Variants in DISC1 observed in about 807,000 individuals in gnomAD.
DISC1 encodes disrupted in schizophrenia 1 protein.
In DISC1, 57 loss-of-function variants were observed where a neutral mutation model predicts 84.5. That is an observed-to-expected ratio of 0.67 (90% CI 0.55 to 0.84). The LOEUF (loss-of-function observed/expected upper bound fraction) is 0.84, where lower values mean the gene tolerates loss of function less well. DISC1 is among the 40% of genes least tolerant of loss of function. The pLI is 0.00. For synonymous variants in DISC1, 411 were observed against 415.2 expected (o/e 0.99, Z 0.12); for missense variants, 1,000 against 1,057.8 (o/e 0.95, Z 0.76).
At chr1:231,999,923 A>G (rs995813620) in intron 10 of DISC1, among the ~76,000 whole-genome samples, 1 of 152,220 alleles carries the variant, frequency 6.6e-6, no homozygotes, top group African/African-American at 2.4e-5. Flanking sequence ...CAAAAATAAA[A>G]ATTCCATTGG....
chr1:231,966,619 T>G (rs1296429167), intron 10 of DISC1, among the ~76,000 whole-genome samples: 1 of 152,242 alleles, frequency 6.6e-6, no homozygotes, highest in Non-Finnish European at 1.5e-5. Context: ...TGATGGAATC[T>G]CTTGTATGCA....
chr1:231,762,497 A>C (rs2075824652), intron 4 of DISC1, among the ~76,000 whole-genome samples: 1 of 130,542 alleles, frequency 7.7e-6, no homozygotes, highest in African/African-American at 2.9e-5. Context: ...ACTGTGCCTA[A>C]TTTTTAGTTT....
chr1:231,691,917 A>G (rs977917156), intron 1 of DISC1, among the ~76,000 whole-genome samples: 1 of 152,122 alleles, frequency 6.6e-6, no homozygotes, highest in Admixed American at 6.5e-5. Flanking sequence ...TGTACATCTC[A>G]TCACATCCTT....
At chr1:231,743,213 T>C (rs986115481) in intron 3 of DISC1, among the ~76,000 whole-genome samples, 6 of 152,236 alleles carry the variant, frequency 3.9e-5, no homozygotes, top group African/African-American at 1.4e-4. Context: ...ATATTACTAA[T>C]AATAGACAAT....
chr1:231,730,317 G>A (rs1405321113), intron 3 of DISC1, among the ~76,000 whole-genome samples: 1 of 152,202 alleles, frequency 6.6e-6, no homozygotes, highest in East Asian at 1.9e-4. Context: ...CTGTAGACAT[G>A]GAGAAGGATA....
intron 6 of DISC1, among the ~76,000 whole-genome samples, chr1:231,778,020 A>G (rs1294625657): frequency 1.3e-5 from 2 of 152,174 alleles, no homozygotes; most frequent in African/African-American, 2.4e-5. Context: ...AGCAATGGAA[A>G]GAAGTCCAGC....
intron 7 of DISC1, among the ~76,000 whole-genome samples, chr1:231,795,616 C>T (rs979583033): frequency 2.0e-5 from 3 of 152,176 alleles, no homozygotes; most frequent in South Asian, 2.1e-4. Flanking sequence ...GGGCTTGGTG[C>T]GGTGGCTCAC....
chr1:231,669,382 ATTAAAC>A (rs1292039487), intron 1 of DISC1, among the ~76,000 whole-genome samples: 3 of 152,252 alleles, frequency 2.0e-5, no homozygotes, highest in Non-Finnish European at 4.4e-5. Context: ...ATTGGATCTA[ATTAAAC>A]TTAAGAGCTT....
intron 8 of DISC1, among the ~76,000 whole-genome samples, chr1:231,801,425 C>A (rs200183459): frequency 1.3e-5 from 2 of 152,228 alleles, no homozygotes; most frequent in Non-Finnish European, 1.5e-5. Context: ...CAGAGATAGC[C>A]TCACTCCAAT....
intron 6 of DISC1, among the ~76,000 whole-genome samples, chr1:231,791,033 C>T (rs999951342): frequency 6.6e-6 from 1 of 152,158 alleles, no homozygotes; most frequent in African/African-American, 2.4e-5. Context: ...CCACAGCCAC[C>T]CCCCAGGCTC....
chr1:232,022,030 C>G (rs2103031067), intron 11 of DISC1, among the ~76,000 whole-genome samples: 1 of 152,262 alleles, frequency 6.6e-6, no homozygotes, highest in South Asian at 2.1e-4. Flanking sequence ...GACATGTCAC[C>G]TTTTATGACC....
intron 9 of DISC1, among the ~76,000 whole-genome samples, chr1:231,831,872 A>T (rs994864094): frequency 1.2e-4 from 19 of 152,126 alleles, no homozygotes; most frequent in Admixed American, 1.1e-3. Flanking sequence ...GCAGAGTGGT[A>T]GCCTTGATGA....
At chr1:232,025,698 G>C (rs527481656) in intron 11 of DISC1, among the ~76,000 whole-genome samples, 1 of 150,634 alleles carries the variant, frequency 6.6e-6, no homozygotes. Context: ...CTGGGTTCAC[G>C]CCATTCTCCT....
chr1:231,847,541 G>T (rs753640059), intron 9 of DISC1, among the ~76,000 whole-genome samples: 4 of 152,084 alleles, frequency 2.6e-5, no homozygotes, highest in Non-Finnish European at 4.4e-5. Flanking sequence ...GCCTCATGTG[G>T]CTGGACCCTC....
intron 9 of DISC1, among the ~76,000 whole-genome samples, chr1:231,874,872 C>T (rs996068404): frequency 6.8e-6 from 1 of 147,266 alleles, no homozygotes; most frequent in African/African-American, 2.5e-5. Context: ...GATCGCGCCA[C>T]TACACTCCAG....
rs1256207558 is a variant in DISC1, at chr1:232,031,743, A to G, written c.2426-4949A>G. Among the ~76,000 whole-genome samples, 1 of 152,170 alleles carries G rather than the reference A, an allele frequency of 6.6e-6. No homozygotes were observed. Among genetic ancestry groups the G allele is most frequent in the Non-Finnish European group, 1.5e-5 (1 of 68,030 alleles). On this transcript the variant is annotated intron_variant, in intron 12 of 12. Coordinates refer to ENST00000439617, the MANE Select transcript of DISC1 (RefSeq NM_018662.3). The surrounding 1 kb of genome is among the most constrained non-coding windows in gnomAD (Gnocchi z 4.6). ...TGGCTGAGCACGAGGTGGGCTTGGC[A>G]CAAGGTAGGCAACACAGAGTTTCTG...
chr1:231,782,274 T>C (rs938377510), intron 6 of DISC1, among the ~76,000 whole-genome samples: 3 of 152,256 alleles, frequency 2.0e-5, no homozygotes, highest in African/African-American at 4.8e-5. Flanking sequence ...ATTCATTTTG[T>C]TCACCAGTGG....
At chr1:231,865,900 C>T (rs182626263) in intron 9 of DISC1, among the ~76,000 whole-genome samples, 1 of 152,288 alleles carries the variant, frequency 6.6e-6, no homozygotes, top group African/African-American at 2.4e-5. Context: ...AACAGATTTA[C>T]AAGCATTAGA....
In DISC1 at chr1:231,630,409, C is replaced by T. The variant is rs1023838405; in HGVS notation, c.67+3475C>T. ...CTTGAGCCTCAAGCAACTTCTGCCT[C>T]GACCTCCCAAAGTACCAGGATTACA... On this transcript the variant is annotated intron_variant, in intron 1 of 12. Transcript: ENST00000439617. The surrounding 1 kb of genome is among the most constrained non-coding windows in gnomAD (Gnocchi z 4.4). 2.0e-5 allele frequency among the ~76,000 whole-genome samples: 3 copies of T among 152,008 alleles called. No individual in the cohort carries two copies. Among genetic ancestry groups the T allele is most frequent in the Non-Finnish European group, 4.4e-5 (3 of 68,020 alleles).
Sources: gnomAD v4.1 joint callset for allele counts (sites outside exome capture counted in the v4.1 genomes callset) on GRCh38, gnomAD v4.1.1 for gene constraint, Gnocchi (gnomAD v3.1) non-coding constraint, MANE v1.5 for transcripts, NCBI Gene and HGNC (gene_info 2026-07-23, HGNC 2026-07-21) for gene names.